The following ATXN7 variants were observed in gnomAD, a reference collection of about 807,000 sequenced individuals.
The protein encoded by ATXN7 is ataxin 7, also known as ataxin-7.
In ATXN7, 12 loss-of-function variants were observed where a neutral mutation model predicts 70.5. The ratio of observed to expected loss-of-function variants is 0.17; its 90% CI spans 0.11 to 0.28. The LOEUF (loss-of-function observed/expected upper bound fraction) is 0.28. Among genes scored for constraint, ATXN7 ranks in the 10% least tolerant of loss-of-function variants. The pLI is 1.00. For missense variants in ATXN7, 1,256 were observed against 1,131.7 expected, an observed-to-expected ratio of 1.11 and a Z score of -1.58; for synonymous variants, 498 against 448.7, an observed-to-expected ratio of 1.11 and a Z score of -1.39.
intron 12 of ATXN7, 77 bp from the exon 13 acceptor site, chr3:63,999,373 G>C (rs535612730): frequency 3.7e-5 from 45 of 1,214,458 alleles, no homozygotes; most frequent in Non-Finnish European, 5.1e-5. Flanking sequence ...GAATATTCTT[G>C]TTTAGAATCA....
chr3:63,922,515 G>A (rs892765741), intron 4 of ATXN7, among the ~76,000 whole-genome samples: 2 of 152,146 alleles, frequency 1.3e-5, no homozygotes, highest in African/African-American at 4.8e-5. Context: ...TGTAGTTTGT[G>A]CTTCTTTATG....
intron 4 of ATXN7, among the ~76,000 whole-genome samples, chr3:63,935,519 T>C (rs2074644648): frequency 6.6e-6 from 1 of 152,182 alleles, no homozygotes; most frequent in African/African-American, 2.4e-5. Context: ...TCTGTGAATA[T>C]CTGGGCTTTG....
intron 1 of ATXN7, among the ~76,000 whole-genome samples, chr3:63,873,275 A>G (rs578216660): frequency 5.3e-5 from 8 of 152,326 alleles, no homozygotes; most frequent in Admixed American, 1.3e-4. Flanking sequence ...TACTTTAAAC[A>G]TAAAGAGATT....
intron 1 of ATXN7, among the ~76,000 whole-genome samples, chr3:63,882,391 T>C (rs542329915): frequency 6.6e-6 from 1 of 151,372 alleles, no homozygotes; most frequent in South Asian, 2.1e-4. Context: ...GATTCTTTTT[T>C]TTTTTTTTTT....
intron 4 of ATXN7, among the ~76,000 whole-genome samples, chr3:63,945,568 T>C (rs2074846115): frequency 6.6e-6 from 1 of 152,230 alleles, no homozygotes. Flanking sequence ...TACGGTGGCA[T>C]CACAAGGACT....
At position 63,912,825 on chromosome 3, in the gene ATXN7, C is replaced by G; in HGVS notation, c.227C>G (p.Ala76Gly). The change falls in exon 3 of 13, where the codon GCG becomes GGG. Residue 76 changes from alanine (A) to glycine (G), a missense_variant. Physicochemically the swap from Ala to Gly is moderately conservative, Grantham distance 60. Coordinates refer to ENST00000674280, the MANE Select transcript of ATXN7 (RefSeq NM_001377405.1). ...GAASTSAAAMATVGERRPLPS... is the reference protein window; with the variant it reads ...GAASTSAAAMGTVGERRPLPS... ...GCCTCCACCTCGGCCGCCGCAATGG[C>G]GACGGTCGGGGAGCGCAGGCCTCTG... The G allele has an allele frequency of 6.3e-7, 1 of 1,580,854 alleles. No homozygotes were observed. Among genetic ancestry groups the G allele is most frequent in the South Asian group, 1.1e-5 (1 of 88,890 alleles).
At position 63,998,117 on chromosome 3, in the gene ATXN7, C is replaced by G. The variant is rs148238522; in HGVS notation, c.2662-1333C>G. 30 of 984,460 alleles carry G rather than the reference C, an allele frequency of 3.0e-5. 1 individual carries two copies. The African/African-American group carries it at 5.3e-4, about 17-fold the overall frequency. 61.0% of individuals were successfully genotyped at this position (984,460 alleles called of 1,614,324 possible). Reference sequence around the variant, plus strand: ...CATTCCATTGTGCTGTAATGTCCATCTCACATCTGTATTAGTGAGCACACT... The same window carrying G: ...CATTCCATTGTGCTGTAATGTCCATGTCACATCTGTATTAGTGAGCACACT... On this transcript the variant is annotated intron_variant, in intron 12 of 12. Transcript: ENST00000674280.
In ATXN7 at chr3:63,939,872, G is replaced by A. The variant is rs79507498; in HGVS notation, c.395-12507G>A. Among the ~76,000 whole-genome samples the A allele has an allele frequency of 3.0e-3, 460 of 152,164 alleles. 3 individuals carry two copies. Among genetic ancestry groups the A allele is most frequent in the African/African-American group, 0.011 (443 of 41,504 alleles). On this transcript the variant is annotated intron_variant, in intron 4 of 12. Coordinates refer to ENST00000674280, the MANE Select transcript of ATXN7 (RefSeq NM_001377405.1). ...TTATTTTCAGAGAATTGTCACTGATGTATCTGGTAGCTCCCTGAAAAGCCC... is the reference window on the plus strand; with the variant it reads ...TTATTTTCAGAGAATTGTCACTGATATATCTGGTAGCTCCCTGAAAAGCCC...
chr3:63,939,998 A>T (rs555488168), intron 4 of ATXN7, among the ~76,000 whole-genome samples: 1 of 152,176 alleles, frequency 6.6e-6, no homozygotes, highest in East Asian at 1.9e-4. Context: ...CTTCAATGTC[A>T]CAGTTGCTTG....
Position 64,002,261 on chromosome 3 carries a change from AT to A in ATXN7, c.*2797del, listed in dbSNP as rs1164798412. The A allele has an allele frequency of 6.6e-6, 1 of 152,498 alleles. No individual in the cohort carries two copies. The highest frequency in any genetic ancestry group is 1.5e-5 in the Non-Finnish European group (1 of 68,022). 9.4% of individuals were successfully genotyped at this position (152,498 alleles called of 1,614,324 possible). A position where few individuals can be genotyped will look rare whatever the true frequency, so the allele number is the denominator to read the frequency against. ...TAATAAAAGTAAATACCTTTTTATA[AT>A]TTGAAGTGGTTCACTGCCAAGCCAA... On this transcript the variant is annotated 3_prime_UTR_variant, in exon 13 of 13. Coordinates refer to ENST00000674280, the MANE Select transcript of ATXN7 (RefSeq NM_001377405.1).
chr3:63,960,105 A>C (rs533515049), intron 5 of ATXN7, among the ~76,000 whole-genome samples: 1 of 152,242 alleles, frequency 6.6e-6, no homozygotes, highest in Non-Finnish European at 1.5e-5. Flanking sequence ...GGCTAGTTAA[A>C]GAAAGCCTGT....
At chr3:63,953,461 TAAG>T (rs2074988893) in intron 5 of ATXN7, among the ~76,000 whole-genome samples, 1 of 152,094 alleles carries the variant, frequency 6.6e-6, no homozygotes, top group Non-Finnish European at 1.5e-5. Context: ...TAGGCCAGGC[TAAG>T]AAGCAGCTTG....
rs138834613 is a variant in ATXN7 at position 63,980,515 on chromosome 3, G to A, written c.752+348G>A. ...GATGAGGAGAAGGAAGCTTCGTGAG[G>A]TGGGGGAGTTTTGTCCAAAAAGGCC... On this transcript the variant is annotated intron_variant, in intron 6 of 12. Coordinates refer to ENST00000674280, the MANE Select transcript of ATXN7 (RefSeq NM_001377405.1). The A allele has an allele frequency of 1.3e-3, 290 of 227,400 alleles. 1 individual carries two copies. The highest frequency in any genetic ancestry group is 6.1e-3 in the African/African-American group (275 of 44,776). 14.1% of individuals were successfully genotyped at this position (227,400 alleles called of 1,614,324 possible).
chr3:63,961,405 G>A (rs1288662435), intron 5 of ATXN7, among the ~76,000 whole-genome samples: 2 of 152,016 alleles, frequency 1.3e-5, no homozygotes, highest in African/African-American at 4.8e-5. Context: ...TCTAAGGACC[G>A]TCCTTCTTTG....
At chr3:63,940,190 T>G (rs868591006) in intron 4 of ATXN7, among the ~76,000 whole-genome samples, 1 of 151,978 alleles carries the variant, frequency 6.6e-6, no homozygotes, top group Middle Eastern at 3.4e-3. Context: ...GGCCCTAATC[T>G]CACCTCTTGC....
At chr3:63,927,107 A>G (rs969334968) in intron 4 of ATXN7, among the ~76,000 whole-genome samples, 4 of 152,322 alleles carry the variant, frequency 2.6e-5, no homozygotes, top group South Asian at 2.1e-4. Context: ...TATTGTAAAT[A>G]GTGTTACAGT....
intron 2 of ATXN7, among the ~76,000 whole-genome samples, chr3:63,910,985 T>G (rs1192663147): frequency 6.6e-6 from 1 of 152,046 alleles, no homozygotes; most frequent in Non-Finnish European, 1.5e-5. Context: ...TTCTGCAAGT[T>G]GGACCAACAA....
Position 63,912,833 on chromosome 3 carries a change from G to A in ATXN7, c.235G>A (p.Gly79Arg), listed in dbSNP as rs762884569. Reference protein sequence around the residue: ...STSAAAMATVGERRPLPSPEV... With the variant: ...STSAAAMATVRERRPLPSPEV... ...CTCGGCCGCCGCAATGGCGACGGTCGGGGAGCGCAGGCCTCTGCCCAGTCC... is the reference window on the plus strand; with the variant it reads ...CTCGGCCGCCGCAATGGCGACGGTCAGGGAGCGCAGGCCTCTGCCCAGTCC... Residue 79 changes from glycine to arginine, a missense_variant, in exon 3 of 13, where the codon GGG (glycine) becomes AGG (arginine). By Grantham distance (125) the Gly-to-Arg change is moderately radical. Coordinates refer to ENST00000674280, the MANE Select transcript of ATXN7 (RefSeq NM_001377405.1). The A allele has an allele frequency of 6.9e-6, 11 of 1,593,700 alleles. No individual in the cohort carries two copies. Among genetic ancestry groups the A allele is most frequent in the Non-Finnish European group, 8.5e-6 (10 of 1,171,386 alleles).
Position 63,919,457 on chromosome 3 carries a change from C to T in ATXN7, c.394+6232C>T, listed in dbSNP as rs143507207. ...TGTCTATTTTGAAGGGGAGAATCTT[C>T]AAAATAATAAAATCCGTTAGTCTTA... On this transcript the variant is annotated intron_variant, in intron 4 of 12. Transcript: ENST00000674280. 4.5e-3 allele frequency among the ~76,000 whole-genome samples: 678 copies of T among 152,128 alleles called. 2 individuals carry two copies. The highest frequency in any genetic ancestry group is 6.9e-3 in the Non-Finnish European group (470 of 67,972).
Sources: allele counts gnomAD v4.1 joint callset (sites outside exome capture counted in the v4.1 genomes callset), GRCh38; gene constraint gnomAD v4.1.1; transcripts MANE v1.5; gene names NCBI Gene and HGNC (gene_info 2026-07-23, HGNC 2026-07-21).